Variants in AGBL4 observed in about 807,000 individuals in gnomAD.
AGBL4 encodes AGBL carboxypeptidase 4.
AGBL4 carries 58 observed loss-of-function variants against 66.4 expected under a neutral mutation model. The ratio of observed to expected loss-of-function variants is 0.87; its 90% CI spans 0.71 to 1.09. The LOEUF (loss-of-function observed/expected upper bound fraction) is 1.09, where lower values mean the gene tolerates loss of function less well. Among genes scored for constraint, AGBL4 ranks in the 50% least tolerant of loss-of-function variants. The pLI is 0.00. For missense variants in AGBL4, 579 were observed against 631.0 expected, an observed-to-expected ratio of 0.92 and a Z score of 0.88; for synonymous variants, 234 against 222.9, an observed-to-expected ratio of 1.05 and a Z score of -0.44.
chr1:48,970,831 G>A (rs1658842443), intron 5 of AGBL4, among the ~76,000 whole-genome samples: 1 of 152,098 alleles, frequency 6.6e-6, no homozygotes, highest in Non-Finnish European at 1.5e-5. Flanking sequence ...AAGGCCTTGG[G>A]TCTTTCTGTC....
At chr1:49,599,987 A>G (rs1018025902) in intron 3 of AGBL4, among the ~76,000 whole-genome samples, 2 of 152,302 alleles carry the variant, frequency 1.3e-5, no homozygotes, top group Admixed American at 6.5e-5. Context: ...ATTGGTTATG[A>G]TTTCCATTCT....
At chr1:49,157,101 A>G (rs886698185) in intron 4 of AGBL4, among the ~76,000 whole-genome samples, 1 of 151,846 alleles carries the variant, frequency 6.6e-6, no homozygotes, top group African/African-American at 2.4e-5. Flanking sequence ...TTTTTTTATT[A>G]TACTTTAAGT....
At chr1:49,765,641 A>T (rs1361712411) in intron 2 of AGBL4, among the ~76,000 whole-genome samples, 1 of 152,096 alleles carries the variant, frequency 6.6e-6, no homozygotes, top group Non-Finnish European at 1.5e-5. Context: ...AATTCAAAAC[A>T]TGGATTACAA....
chr1:49,224,851 T>A (rs559015451), intron 4 of AGBL4, among the ~76,000 whole-genome samples: 1 of 152,228 alleles, frequency 6.6e-6, no homozygotes, highest in East Asian at 1.9e-4. Flanking sequence ...GGGGTTGGGA[T>A]AAGTTGACAG....
intron 5 of AGBL4, among the ~76,000 whole-genome samples, chr1:48,933,682 AT>A (rs879927497): frequency 1.1e-4 from 16 of 152,268 alleles, no homozygotes; most frequent in Non-Finnish European, 2.1e-4. Flanking sequence ...GGAGATAGTA[AT>A]TTTTTTCCTG....
chr1:49,089,801 A>G (rs1644971674), intron 4 of AGBL4, among the ~76,000 whole-genome samples: 1 of 152,096 alleles, frequency 6.6e-6, no homozygotes, highest in South Asian at 2.1e-4. Flanking sequence ...CACACAAAAT[A>G]AAACTTCAGG....
chr1:49,941,466 T>C (rs1400985839), intron 1 of AGBL4, among the ~76,000 whole-genome samples: 1 of 152,074 alleles, frequency 6.6e-6, no homozygotes, highest in Non-Finnish European at 1.5e-5. Context: ...ATGAACATGA[T>C]GCAAAAATCC....
At chr1:49,044,634 G>A (rs1487088867) in intron 5 of AGBL4, among the ~76,000 whole-genome samples, 1 of 152,160 alleles carries the variant, frequency 6.6e-6, no homozygotes, top group Non-Finnish European at 1.5e-5. Flanking sequence ...ATATGATTAA[G>A]ATAAAGATCT....
chr1:49,980,560 G>A (rs1658975363), intron 1 of AGBL4, among the ~76,000 whole-genome samples: 1 of 151,986 alleles, frequency 6.6e-6, no homozygotes, highest in South Asian at 2.1e-4. Context: ...TTATCATAAT[G>A]TCCTCCAGGT....
chr1:49,377,449 C>T (rs993615714), intron 3 of AGBL4, among the ~76,000 whole-genome samples: 1 of 152,050 alleles, frequency 6.6e-6, no homozygotes, highest in African/African-American at 2.4e-5. Context: ...AGCAAAGATT[C>T]AAATCTATGA....
intron 2 of AGBL4, among the ~76,000 whole-genome samples, chr1:49,746,299 T>C (rs1325713653): frequency 1.3e-5 from 2 of 151,986 alleles, no homozygotes; most frequent in Admixed American, 1.3e-4. Context: ...TAGAAAGATT[T>C]TACTACTGCT....
chr1:49,473,694 T>C (rs906208222), intron 3 of AGBL4, among the ~76,000 whole-genome samples: 1 of 152,102 alleles, frequency 6.6e-6, no homozygotes, highest in African/African-American at 2.4e-5. Flanking sequence ...GATTTAGTCA[T>C]ATTCTTTGCA....
chr1:48,770,103 A>G (rs1045821225), intron 6 of AGBL4, among the ~76,000 whole-genome samples: 3 of 152,054 alleles, frequency 2.0e-5, no homozygotes, highest in African/African-American at 7.2e-5. Context: ...CTGCTGTTAT[A>G]TTGCTCCCAC....
At chr1:48,552,828 G>A (rs1644268879) in intron 11 of AGBL4, among the ~76,000 whole-genome samples, 4 of 151,804 alleles carry the variant, frequency 2.6e-5, no homozygotes, top group Admixed American at 2.0e-4. Flanking sequence ...TCCCTGAATG[G>A]ATCCTTGGAG....
chr1:49,180,078 T>G (rs1646903487), intron 4 of AGBL4, among the ~76,000 whole-genome samples: 1 of 152,046 alleles, frequency 6.6e-6, no homozygotes, highest in South Asian at 2.1e-4. Flanking sequence ...ATTTTGTATT[T>G]TTAGTAGAGA....
chr1:48,703,935 C>A (rs973497919), intron 6 of AGBL4, among the ~76,000 whole-genome samples: 1 of 152,142 alleles, frequency 6.6e-6, no homozygotes, highest in East Asian at 1.9e-4. Flanking sequence ...CTGGGAAATG[C>A]CTCATTAGGC....
At chr1:49,170,067 C>T (rs481967) in intron 4 of AGBL4, among the ~76,000 whole-genome samples, 3,688 of 151,672 alleles carry the variant, frequency 0.024, 126 homozygotes, top group African/African-American at 0.08. Context: ...TGCACTAAAA[C>T]GTCAGGCTTC....
intron 3 of AGBL4, among the ~76,000 whole-genome samples, chr1:49,470,968 T>G (rs1472847547): frequency 6.6e-6 from 1 of 152,006 alleles, no homozygotes; most frequent in African/African-American, 2.4e-5. Flanking sequence ...TCAGCTAAGC[T>G]CCAATGTGGG....
intron 4 of AGBL4, among the ~76,000 whole-genome samples, chr1:49,086,334 G>A (rs1017875380): frequency 1.1e-4 from 17 of 151,730 alleles, no homozygotes; most frequent in Admixed American, 1.1e-3. Context: ...CTTACTTCTG[G>A]CTGGACTCAG....
Sources: allele counts gnomAD v4.1 joint callset (sites outside exome capture counted in the v4.1 genomes callset), GRCh38; gene constraint gnomAD v4.1.1; transcripts MANE v1.5; gene names NCBI Gene and HGNC (gene_info 2026-07-23, HGNC 2026-07-21).